CORIN: variants seen among roughly 807,000 people sequenced by gnomAD.
The protein encoded by CORIN is corin, serine peptidase, also known as atrial natriuretic peptide-converting enzyme.
A neutral mutation model predicts 125.3 loss-of-function variants in CORIN; 117 were observed. That is an observed-to-expected ratio of 0.93 (90% CI 0.80 to 1.09). The LOEUF is 1.09. Ranked by LOEUF, CORIN falls within the 50% of genes least tolerant of loss-of-function variation. The pLI is 0.00. For synonymous variants in CORIN, 450 were observed against 466.4 expected, an observed-to-expected ratio of 0.96 and a Z score of 0.45; for missense variants, 1,253 against 1,306.7, an observed-to-expected ratio of 0.96 and a Z score of 0.63.
At chr4:47,684,704 T>G (rs900437356) in intron 6 of CORIN, among the ~76,000 whole-genome samples, 1 of 152,184 alleles carries the variant, frequency 6.6e-6, no homozygotes, top group African/African-American at 2.4e-5. Context: ...GGGACAATAC[T>G]AGAATAATAT....
chr4:47,769,415 T>C (rs1729917732), intron 3 of CORIN, among the ~76,000 whole-genome samples: 1 of 151,972 alleles, frequency 6.6e-6, no homozygotes, highest in Admixed American at 6.6e-5. Context: ...GTATTCATGG[T>C]TTGGAAGGAT....
At chr4:47,672,259 CAA>C (rs1724795268) in intron 10 of CORIN, among the ~76,000 whole-genome samples, 1 of 152,160 alleles carries the variant, frequency 6.6e-6, no homozygotes, top group East Asian at 1.9e-4. Flanking sequence ...CTCTATGAGC[CAA>C]GAGTTATCCA....
chr4:47,709,268 G>A (rs1477198397), intron 5 of CORIN, among the ~76,000 whole-genome samples: 1 of 138,848 alleles, frequency 7.2e-6, no homozygotes, highest in Non-Finnish European at 1.6e-5. Context: ...ATAATTTGCA[G>A]TACTTTATTT....
chr4:47,653,175 C>A (rs1723812525), intron 13 of CORIN, among the ~76,000 whole-genome samples: 1 of 152,168 alleles, frequency 6.6e-6, no homozygotes, highest in South Asian at 2.1e-4. Flanking sequence ...TGTTGTTAAT[C>A]TCTCATTGTG....
intron 5 of CORIN, among the ~76,000 whole-genome samples, chr4:47,721,828 A>C (rs1314197375): frequency 6.6e-6 from 1 of 152,228 alleles, no homozygotes. Context: ...TTATTATTAA[A>C]CACTATTAGG....
chr4:47,697,027 T>C (rs1305218519), intron 5 of CORIN, among the ~76,000 whole-genome samples: 3 of 152,232 alleles, frequency 2.0e-5, no homozygotes, highest in African/African-American at 7.2e-5. Context: ...GACACAGCTC[T>C]GCACATCACA....
chr4:47,833,849 CAA>C lies in CORIN; in HGVS notation c.63+4036_63+4037del, dbSNP rs1434295779. ...AACAGAGAATTACAAATCAAAACCA[CAA>C]AGAGATTTCAGCCCTTTGCCACTGT... On this transcript the variant is annotated intron_variant, in intron 1 of 21. Coordinates refer to ENST00000273857, the MANE Select transcript of CORIN (RefSeq NM_006587.4). Among the ~76,000 whole-genome samples, 3 of 152,248 alleles carry C rather than the reference CAA, an allele frequency of 2.0e-5. No homozygotes were observed. In the South Asian group the frequency reaches 6.2e-4, roughly 32 times the overall value.
intron 10 of CORIN, among the ~76,000 whole-genome samples, chr4:47,667,355 G>A (rs1281951323): frequency 6.6e-6 from 1 of 152,162 alleles, no homozygotes; most frequent in Non-Finnish European, 1.5e-5. Flanking sequence ...AGCTTTGGGG[G>A]AATACAGCAG....
chr4:47,610,232 G>C (rs1290800455), intron 19 of CORIN, among the ~76,000 whole-genome samples: 1 of 152,192 alleles, frequency 6.6e-6, no homozygotes, highest in Admixed American at 6.5e-5. Flanking sequence ...TGGTGTAAAA[G>C]CATCCCTTTT....
chr4:47,620,389 T>A (rs536900242), intron 19 of CORIN, among the ~76,000 whole-genome samples: 1 of 152,150 alleles, frequency 6.6e-6, no homozygotes, highest in African/African-American at 2.4e-5. Context: ...TTAAAAAAAA[T>A]GAGTTAGAGC....
chr4:47,639,974 G>A (rs1002258422), intron 16 of CORIN, among the ~76,000 whole-genome samples: 1 of 150,036 alleles, frequency 6.7e-6, no homozygotes, highest in Non-Finnish European at 1.5e-5. Flanking sequence ...CATTTCTTTG[G>A]AGGACTTATC....
At chr4:47,597,513 T>C (rs1721301510) in intron 21 of CORIN, among the ~76,000 whole-genome samples, 1 of 152,328 alleles carries the variant, frequency 6.6e-6, no homozygotes, top group African/African-American at 2.4e-5. Flanking sequence ...AAGAGCCTAA[T>C]TGAATTTTTT....
intron 1 of CORIN, among the ~76,000 whole-genome samples, chr4:47,832,051 T>C (rs1733037970): frequency 6.6e-6 from 1 of 152,204 alleles, no homozygotes; most frequent in Non-Finnish European, 1.5e-5. Context: ...GTACTTAGTA[T>C]TATAGTGCTT....
intron 16 of CORIN, among the ~76,000 whole-genome samples, chr4:47,636,772 T>C (rs561649025): frequency 6.6e-6 from 1 of 152,250 alleles, no homozygotes; most frequent in Admixed American, 6.5e-5. Flanking sequence ...ATTAAACCTC[T>C]TTTTTTCTTC....
intron 5 of CORIN, chr4:47,706,800 G>A: frequency 1.9e-6 from 3 of 1,598,224 alleles, no homozygotes; most frequent in Admixed American, 1.7e-5. Flanking sequence ...AAAGCTATCA[G>A]AAGAAATCCT....
intron 1 of CORIN, among the ~76,000 whole-genome samples, chr4:47,821,534 G>A (rs1007008596): frequency 5.9e-5 from 9 of 151,830 alleles, no homozygotes; most frequent in African/African-American, 2.2e-4. Flanking sequence ...CGGAGTTCAA[G>A]GTATTAAGAA....
chr4:47,688,840 C>T (rs1725640481), intron 6 of CORIN, among the ~76,000 whole-genome samples: 1 of 152,170 alleles, frequency 6.6e-6, no homozygotes, highest in African/African-American at 2.4e-5. Flanking sequence ...TTTAGTACTT[C>T]TTCCATAAGC....
intron 19 of CORIN, among the ~76,000 whole-genome samples, chr4:47,604,546 T>G (rs1163150961): frequency 2.0e-5 from 3 of 152,228 alleles, no homozygotes; most frequent in Non-Finnish European, 4.4e-5. Flanking sequence ...GCCACAGTAT[T>G]TAATCATTCA....
At chr4:47,680,636 T>C (rs999519421) in intron 7 of CORIN, 5 of 194,144 alleles carry the variant, frequency 2.6e-5, no homozygotes, top group African/African-American at 9.5e-5. Context: ...GCTAGCGGAT[T>C]TGATGTATCT....
Sources: gnomAD v4.1 joint callset for allele counts (sites outside exome capture counted in the v4.1 genomes callset) on GRCh38, gnomAD v4.1.1 for gene constraint, MANE v1.5 for transcripts, NCBI Gene and HGNC (gene_info 2026-07-23, HGNC 2026-07-21) for gene names.